Variants in CSMD1 observed in about 807,000 individuals in gnomAD.
CSMD1 encodes CUB and Sushi multiple domains 1, also known as CUB and sushi domain-containing protein 1.
CSMD1 carries 213 observed loss-of-function variants against 417.5 expected under a neutral mutation model. That is an observed-to-expected ratio of 0.51 (90% CI 0.46 to 0.57). The LOEUF (loss-of-function observed/expected upper bound fraction) is 0.57. CSMD1 is among the 20% of genes least tolerant of loss of function. The pLI is 0.00. For synonymous variants in CSMD1, 2,862 were observed against 1,736.8 expected (o/e 1.65, Z -16.11); for missense variants, 6,923 against 4,529.7 (o/e 1.53, Z -15.17).
chr8:4,166,644 T>G (rs529492871), intron 3 of CSMD1, among the ~76,000 whole-genome samples: 1 of 152,210 alleles, frequency 6.6e-6, no homozygotes, highest in South Asian at 2.1e-4. Context: ...AGACTGCATA[T>G]TGGGTACCGT....
intron 18 of CSMD1, among the ~76,000 whole-genome samples, chr8:3,370,516 G>A (rs764229037): frequency 1.3e-5 from 2 of 152,216 alleles, no homozygotes; most frequent in Admixed American, 6.5e-5. Context: ...ATGTGCCAGT[G>A]TGACTGGGCT....
At chr8:4,525,546 C>A (rs1051043049) in intron 2 of CSMD1, among the ~76,000 whole-genome samples, 1 of 152,172 alleles carries the variant, frequency 6.6e-6, no homozygotes, top group African/African-American at 2.4e-5. Flanking sequence ...TTGTAGCAAC[C>A]CCTAAAGGAA....
intron 6 of CSMD1, among the ~76,000 whole-genome samples, chr8:3,728,003 G>T (rs950929960): frequency 3.9e-5 from 6 of 152,146 alleles, no homozygotes; most frequent in Admixed American, 3.9e-4. Flanking sequence ...TGGTGGTGGA[G>T]GCTACACAAC....
intron 4 of CSMD1, among the ~76,000 whole-genome samples, chr8:3,999,527 G>A (rs976285391): frequency 1.1e-4 from 16 of 152,164 alleles, no homozygotes; most frequent in African/African-American, 3.1e-4. Context: ...CAGTAAGAGG[G>A]TGATATAGGT....
chr8:4,962,974 G>T (rs969432592), intron 1 of CSMD1, among the ~76,000 whole-genome samples: 2 of 152,112 alleles, frequency 1.3e-5, no homozygotes, highest in Non-Finnish European at 2.9e-5. Flanking sequence ...GAAAAGGATC[G>T]AAGAATCTAG....
At chr8:4,985,372 G>GTT (rs33939777) in intron 1 of CSMD1, among the ~76,000 whole-genome samples, 1 of 126,776 alleles carries the variant, frequency 7.9e-6, no homozygotes, top group East Asian at 2.3e-4. Context: ...GAACTTAAAA[G>GTT]TTTTTTTTAA....
chr8:3,848,069 TTCTCTC>T lies in CSMD1; in HGVS notation c.819-94033_819-94028del, dbSNP rs111682595. Among the ~76,000 whole-genome samples the T allele has an allele frequency of 1.3e-3, 168 of 133,458 alleles. 1 individual carries two copies. The highest frequency in any genetic ancestry group is 4.3e-3 in the African/African-American group (158 of 36,458). The allele number at this position is 133,458 out of a possible 152,430, so 87.6% of individuals were successfully genotyped here. On this transcript the variant is annotated intron_variant, in intron 5 of 69. Transcript: ENST00000635120. ...AATCTTCTTACCATCCTGGTGATAT[TTCTCTC>T]TCTCTCTCTCTCTCTAAATATATAT...
At chr8:4,403,484 A>G (rs929152689) in intron 3 of CSMD1, among the ~76,000 whole-genome samples, 3 of 152,130 alleles carry the variant, frequency 2.0e-5, no homozygotes, top group African/African-American at 7.2e-5. Context: ...ACTTATGGTG[A>G]AATCCAGTGA....
intron 46 of CSMD1, among the ~76,000 whole-genome samples, chr8:3,103,826 C>G (rs529234340): frequency 6.6e-6 from 1 of 152,242 alleles, no homozygotes; most frequent in African/African-American, 2.4e-5. Flanking sequence ...TCACTGCAAC[C>G]TCTGCCTCCC....
In CSMD1 at chr8:3,503,915, C is replaced by G. The variant is rs1276440284; in HGVS notation, c.1345-10189G>C. ...ACTTGGATGAGATCAACTTTTTAAA[C>G]TTCCACATGAGTGAGAATATGGAGG... On this transcript the variant is annotated intron_variant, in intron 10 of 69. Transcript: ENST00000635120. Among the ~76,000 whole-genome samples, 3 of 141,748 alleles carry G rather than the reference C, an allele frequency of 2.1e-5. No homozygotes were observed. The Admixed American group carries it at 2.2e-4, about 10-fold the overall frequency. 93.0% of individuals were successfully genotyped at this position (141,748 alleles called of 152,430 possible).
intron 1 of CSMD1, among the ~76,000 whole-genome samples, chr8:4,751,202 T>C (rs185309588): frequency 9.2e-5 from 14 of 152,280 alleles, no homozygotes; most frequent in Admixed American, 1.3e-4. Context: ...CTGGCCAACA[T>C]GGCGAAGACC....
intron 2 of CSMD1, among the ~76,000 whole-genome samples, chr8:4,543,975 T>C (rs566912687): frequency 2.6e-5 from 4 of 152,294 alleles, no homozygotes; most frequent in Non-Finnish European, 4.4e-5. Context: ...TTTATTAGGT[T>C]CATTGTTTTC....
chr8:3,776,225 C>A (rs913514844), intron 5 of CSMD1, among the ~76,000 whole-genome samples: 3 of 152,192 alleles, frequency 2.0e-5, no homozygotes, highest in Non-Finnish European at 2.9e-5. Flanking sequence ...CTGTGCTCAT[C>A]CGGATGGAGG....
chr8:4,447,625 T>C (rs749255238), intron 2 of CSMD1, among the ~76,000 whole-genome samples: 4 of 152,206 alleles, frequency 2.6e-5, no homozygotes, highest in Non-Finnish European at 5.9e-5. Context: ...ACTAAGCTTG[T>C]TCAAAGTCGA....
intron 2 of CSMD1, among the ~76,000 whole-genome samples, chr8:4,605,310 G>A (rs746404639): frequency 6.6e-6 from 1 of 151,982 alleles, no homozygotes; most frequent in African/African-American, 2.4e-5. Context: ...ATTTTCACAG[G>A]GTGGGTTCTC....
intron 3 of CSMD1, among the ~76,000 whole-genome samples, chr8:4,274,823 G>C (rs1796381473): frequency 1.3e-5 from 2 of 152,044 alleles, no homozygotes. Context: ...ATTTATGACT[G>C]CTTTGCTTTG....
At chr8:3,502,444 C>T (rs899848306) in intron 10 of CSMD1, among the ~76,000 whole-genome samples, 4 of 151,436 alleles carry the variant, frequency 2.6e-5, no homozygotes, top group African/African-American at 7.3e-5. Context: ...TTCATAATCG[C>T]CAAAATTAGG....
intron 2 of CSMD1, among the ~76,000 whole-genome samples, chr8:4,541,674 G>A (rs1246292763): frequency 6.6e-6 from 1 of 152,092 alleles, no homozygotes; most frequent in Admixed American, 6.6e-5. Context: ...GGCTGAGGTT[G>A]CAGTAAGCCA....
chr8:3,996,135 C>A (rs986795402), intron 5 of CSMD1, among the ~76,000 whole-genome samples: 1 of 152,192 alleles, frequency 6.6e-6, no homozygotes, highest in Admixed American at 6.5e-5. Context: ...TTGGCAAAAG[C>A]TGCCACTGAT....
Sources: gnomAD v4.1 joint callset for allele counts (sites outside exome capture counted in the v4.1 genomes callset) on GRCh38, gnomAD v4.1.1 for gene constraint, MANE v1.5 for transcripts, NCBI Gene and HGNC (gene_info 2026-07-23, HGNC 2026-07-21) for gene names.